NME7: variants seen among roughly 807,000 people sequenced by gnomAD.
NME7 encodes nucleoside diphosphate kinase 7.
A neutral mutation model predicts 49.1 loss-of-function variants in NME7; 41 were observed. The ratio of observed to expected loss-of-function variants is 0.83; its 90% CI spans 0.65 to 1.08. The LOEUF is 1.08. Ranked by LOEUF, NME7 falls within the 50% of genes least tolerant of loss-of-function variation. The pLI is 0.00. For missense variants in NME7, 423 were observed against 463.4 expected (o/e 0.91, Z 0.80); for synonymous variants, 139 against 150.6 (o/e 0.92, Z 0.56).
At chr1:169,248,102 A>G (rs1397320508) in intron 7 of NME7, among the ~76,000 whole-genome samples, 1 of 152,196 alleles carries the variant, frequency 6.6e-6, no homozygotes, top group African/African-American at 2.4e-5. Flanking sequence ...TCCTACCAGC[A>G]GTGTATAGGT....
intron 7 of NME7, among the ~76,000 whole-genome samples, chr1:169,239,880 A>G (rs10919104): frequency 0.045 from 6,893 of 152,178 alleles, 213 homozygotes; most frequent in East Asian, 0.12. Context: ...GAAATGAGAC[A>G]GAAGAGAAGG....
chr1:169,234,797 G>A (rs1301708661), intron 9 of NME7, among the ~76,000 whole-genome samples: 2 of 152,020 alleles, frequency 1.3e-5, no homozygotes, highest in Non-Finnish European at 2.9e-5. Context: ...GATATGAAAG[G>A]TATACAGTTT....
Position 169,264,698 on chromosome 1 carries a change from T to C in NME7, c.754+22605A>G, listed in dbSNP as rs1182069966. 3.8e-5 allele frequency among the ~76,000 whole-genome samples: 5 copies of C among 132,956 alleles called. 1 individual carries two copies. Among genetic ancestry groups the C allele is most frequent in the African/African-American group, 1.3e-4 (5 of 39,306 alleles). The allele number at this position is 132,956 out of a possible 152,430, so 87.2% of individuals were successfully genotyped here. On this transcript the variant is annotated intron_variant, in intron 7 of 11. Transcript: ENST00000367811. ...TCAACACCCTACTGACAGTAATAGA[T>C]CATTGAGGCAGAAAATTAATAGTAT...
chr1:169,184,959 A>G (rs957766714), intron 10 of NME7, among the ~76,000 whole-genome samples: 22 of 152,076 alleles, frequency 1.4e-4, no homozygotes, highest in Admixed American at 6.6e-5. Flanking sequence ...TCAACACAAC[A>G]CTCTAAAAGC....
chr1:169,321,341 CAG>C (rs1261121940), intron 3 of NME7, among the ~76,000 whole-genome samples: 2 of 152,096 alleles, frequency 1.3e-5, no homozygotes, highest in Admixed American at 1.3e-4. Flanking sequence ...GCCTGGGTGA[CAG>C]AGCCAGACCC....
intron 1 of NME7, among the ~76,000 whole-genome samples, chr1:169,349,297 AG>A (rs1653066638): frequency 6.6e-6 from 1 of 152,210 alleles, no homozygotes; most frequent in South Asian, 2.1e-4. Context: ...AGCTTGTGCC[AG>A]GTCAACAATT....
chr1:169,166,172 A>T (rs910131549), intron 11 of NME7, among the ~76,000 whole-genome samples: 18 of 152,172 alleles, frequency 1.2e-4, no homozygotes, highest in African/African-American at 3.9e-4. Context: ...CATGGTTAAT[A>T]ACATTTCAGT....
intron 6 of NME7, among the ~76,000 whole-genome samples, chr1:169,295,723 G>A (rs1048239194): frequency 6.6e-6 from 1 of 152,088 alleles, no homozygotes; most frequent in African/African-American, 2.4e-5. Context: ...TCATGGCCAT[G>A]AACACTACAT....
At chr1:169,180,311 G>C (rs1422647201) in intron 10 of NME7, among the ~76,000 whole-genome samples, 1 of 152,156 alleles carries the variant, frequency 6.6e-6, no homozygotes, top group Non-Finnish European at 1.5e-5. Context: ...TATAGTACTT[G>C]TGTTTTTAAA....
intron 7 of NME7, among the ~76,000 whole-genome samples, chr1:169,250,250 T>A (rs1648506121): frequency 6.6e-6 from 1 of 152,122 alleles, no homozygotes; most frequent in Non-Finnish European, 1.5e-5. Flanking sequence ...GATTTTTTAG[T>A]TTGTGTGCAT....
intron 10 of NME7, among the ~76,000 whole-genome samples, chr1:169,175,748 C>T (rs1659731689): frequency 6.6e-6 from 1 of 151,168 alleles, no homozygotes; most frequent in African/African-American, 2.4e-5. Context: ...AAAAAATATT[C>T]TCTGGACTAC....
chr1:169,205,263 T>A (rs1359183436), intron 10 of NME7, among the ~76,000 whole-genome samples: 2 of 152,164 alleles, frequency 1.3e-5, no homozygotes, highest in Non-Finnish European at 1.5e-5. Context: ...TAATTTGAGC[T>A]TTAGCACCAT....
At chr1:169,223,363 T>A (rs571726310) in intron 10 of NME7, among the ~76,000 whole-genome samples, 10 of 151,520 alleles carry the variant, frequency 6.6e-5, no homozygotes, top group African/African-American at 1.9e-4. Flanking sequence ...GGTTTTTTTT[T>A]AATTAATAAA....
intron 7 of NME7, among the ~76,000 whole-genome samples, chr1:169,244,092 ATC>A (rs1320029734): frequency 2.0e-5 from 3 of 152,258 alleles, no homozygotes; most frequent in East Asian, 3.9e-4. Flanking sequence ...GCTATGAAAC[ATC>A]TGTTTGATCT....
chr1:169,181,400 C>T (rs372358153), intron 10 of NME7, among the ~76,000 whole-genome samples: 19 of 142,040 alleles, frequency 1.3e-4, no homozygotes, highest in Non-Finnish European at 1.7e-4. Flanking sequence ...CACACACACA[C>T]ATATATACAC....
chr1:169,227,960 C>G (rs954386340), intron 10 of NME7, among the ~76,000 whole-genome samples: 1 of 151,168 alleles, frequency 6.6e-6, no homozygotes, highest in Non-Finnish European at 1.5e-5. Context: ...ATCTTTGAGG[C>G]TTATATTATA....
chr1:169,209,370 T>C (rs1936533), intron 10 of NME7, among the ~76,000 whole-genome samples: 37,191 of 152,000 alleles, frequency 0.24, 5,531 homozygotes, highest in Non-Finnish European at 0.34. Flanking sequence ...ATTGAAACAA[T>C]GAATAAAGGC....
intron 6 of NME7, among the ~76,000 whole-genome samples, chr1:169,294,735 C>A (rs1650640086): frequency 6.6e-6 from 1 of 152,078 alleles, no homozygotes; most frequent in Admixed American, 6.6e-5. Context: ...TAGGATATTT[C>A]AGGAACTAAT....
chr1:169,332,471 G>A (rs1652293736), intron 1 of NME7, among the ~76,000 whole-genome samples: 1 of 151,986 alleles, frequency 6.6e-6, no homozygotes, highest in African/African-American at 2.4e-5. Flanking sequence ...CGGACAAACA[G>A]GATCATATCA....
Sources: gnomAD v4.1 joint callset for allele counts (sites outside exome capture counted in the v4.1 genomes callset) on GRCh38, gnomAD v4.1.1 for gene constraint, MANE v1.5 for transcripts, NCBI Gene and HGNC (gene_info 2026-07-23, HGNC 2026-07-21) for gene names.